Variants in ST18 observed in about 807,000 individuals in gnomAD.
ST18 encodes the protein suppression of tumorigenicity 18 protein.
A neutral mutation model predicts 110.0 loss-of-function variants in ST18; 50 were observed. The observed-to-expected ratio is 0.45, with a 90% CI of 0.36 to 0.58. The LOEUF is 0.58. Ranked by LOEUF, ST18 falls within the 20% of genes least tolerant of loss-of-function variation. The pLI, the probability that ST18 is intolerant of heterozygous loss-of-function variation, is 0.00. For synonymous variants in ST18, 461 were observed against 452.4 expected (o/e 1.02, Z -0.24); for missense variants, 1,306 against 1,280.1 (o/e 1.02, Z -0.31).
At chr8:52,114,575 C>G (rs183182893) in intron 25 of ST18, among the ~76,000 whole-genome samples, 1 of 152,174 alleles carries the variant, frequency 6.6e-6, no homozygotes, top group Non-Finnish European at 1.5e-5. Flanking sequence ...CTCGGCAAAG[C>G]GCTGATCTAA....
At chr8:52,145,109 T>C (rs1340414968) in intron 16 of ST18, among the ~76,000 whole-genome samples, 1 of 152,070 alleles carries the variant, frequency 6.6e-6, no homozygotes, top group Non-Finnish European at 1.5e-5. Context: ...CATTTTATTA[T>C]TTATGGCAAA....
chr8:52,232,990 C>A (rs1174006266), intron 2 of ST18, among the ~76,000 whole-genome samples: 2 of 152,058 alleles, frequency 1.3e-5, no homozygotes, highest in Non-Finnish European at 2.9e-5. Flanking sequence ...ATCAGTGCCC[C>A]TTCTGAATTC....
chr8:52,399,908 T>C (rs1842364460), intron 2 of ST18, among the ~76,000 whole-genome samples: 1 of 152,068 alleles, frequency 6.6e-6, no homozygotes, highest in South Asian at 2.1e-4. Flanking sequence ...AAGTTCCATA[T>C]ATGTCTGTTA....
intron 2 of ST18, among the ~76,000 whole-genome samples, chr8:52,361,753 GT>G (rs2140452329): frequency 6.6e-6 from 1 of 152,264 alleles, no homozygotes; most frequent in African/African-American, 2.4e-5. Flanking sequence ...AAGAACAAAT[GT>G]TTTAATTATT....
At chr8:52,159,384 A>G (rs2060835532) in intron 14 of ST18, among the ~76,000 whole-genome samples, 1 of 152,144 alleles carries the variant, frequency 6.6e-6, no homozygotes. Flanking sequence ...AACTAATGTT[A>G]TGGGGCAGGT....
At chr8:52,329,136 T>C (rs1194641143) in intron 2 of ST18, among the ~76,000 whole-genome samples, 1 of 152,054 alleles carries the variant, frequency 6.6e-6, no homozygotes, top group Non-Finnish European at 1.5e-5. Context: ...GCTGTGTGTG[T>C]CTATTTGTGT....
rs182696503 is a variant in ST18 at position 52,151,214 on chromosome 8, C to A, written c.1807-1237G>T. Among the ~76,000 whole-genome samples the A allele has an allele frequency of 2.6e-5, 4 of 152,194 alleles. No homozygotes were observed. The East Asian group carries it at 7.7e-4, about 29-fold the overall frequency. The stretch of plus-strand genomic sequence containing the variant: ...CAACCCCCCACTCCCAACCCCCAAA[C>A]AGGCGCCACTGGGCTGCATCAGCTG... On this transcript the variant is annotated intron_variant, in intron 15 of 25. Coordinates refer to ENST00000689386, the MANE Select transcript of ST18 (RefSeq NM_001352837.2).
rs554872327 is a variant in ST18, at chr8:52,284,860, T to G, written c.-464-54783A>C. ...GTAGCTTTAATTATGCATTGGCTCATTCTCATCTCAAATATTTTTTGGGAA... is the reference window on the plus strand; with the variant it reads ...GTAGCTTTAATTATGCATTGGCTCAGTCTCATCTCAAATATTTTTTGGGAA... On this transcript the variant is annotated intron_variant, in intron 2 of 25. Coordinates refer to ENST00000689386, the MANE Select transcript of ST18 (RefSeq NM_001352837.2). Among the ~76,000 whole-genome samples the G allele has an allele frequency of 6.6e-5, 10 of 151,624 alleles. No homozygotes were observed. In the South Asian group the frequency reaches 1.0e-3, roughly 16 times the overall value.
intron 8 of ST18, among the ~76,000 whole-genome samples, chr8:52,188,237 A>C (rs1472108110): frequency 6.6e-6 from 1 of 152,208 alleles, no homozygotes; most frequent in Non-Finnish European, 1.5e-5. Flanking sequence ...CGAAACAGGA[A>C]ATATATGCTA....
rs1265661323 is a variant in ST18, at chr8:52,159,047, GGGTGTGGGC to G, written c.1648_1656del (p.Ala550_Thr552del). 1 of 1,614,182 alleles carries G rather than the reference GGGTGTGGGC, an allele frequency of 6.2e-7. No homozygotes were observed. The highest frequency in any genetic ancestry group is 1.3e-5 in the African/African-American group (1 of 75,054). ...TAAGAGCTGGCACGGCCAGGGCTCT[GGGTGTGGGC>G]GCCTGCACTAGGCAGTCGATTAGGA... On this transcript the variant is annotated inframe_deletion, in exon 15 of 26. Coordinates refer to ENST00000689386, the MANE Select transcript of ST18 (RefSeq NM_001352837.2).
At chr8:52,340,589 A>G (rs1490690698) in intron 2 of ST18, among the ~76,000 whole-genome samples, 2 of 152,230 alleles carry the variant, frequency 1.3e-5, no homozygotes, top group East Asian at 3.8e-4. Context: ...TTTGTACCTC[A>G]GTGCAGAAAA....
intron 9 of ST18, among the ~76,000 whole-genome samples, chr8:52,175,250 T>A (rs2066465014): frequency 6.6e-6 from 1 of 152,120 alleles, no homozygotes; most frequent in Non-Finnish European, 1.5e-5. Context: ...CAGCTACTAT[T>A]TTAGAAGGTA....
rs114461118 is a variant in ST18, at chr8:52,388,711, G to A, written c.-465+20617C>T. Among the ~76,000 whole-genome samples, 1,385 of 151,222 alleles carry A rather than the reference G, an allele frequency of 9.2e-3. 24 individuals carry two copies. The highest frequency in any genetic ancestry group is 0.032 in the African/African-American group (1,311 of 41,108). ...GAAGTCTACTCAGATGGGAGGTCAGGGAGGGCCTTTCTCAAAAGGTGTCTC... is the reference window on the plus strand; with the variant it reads ...GAAGTCTACTCAGATGGGAGGTCAGAGAGGGCCTTTCTCAAAAGGTGTCTC... On this transcript the variant is annotated intron_variant, in intron 2 of 25. Coordinates refer to ENST00000689386, the MANE Select transcript of ST18 (RefSeq NM_001352837.2).
intron 6 of ST18, among the ~76,000 whole-genome samples, chr8:52,217,320 AG>A (rs2084702241): frequency 6.6e-6 from 1 of 152,186 alleles, no homozygotes; most frequent in Non-Finnish European, 1.5e-5. Context: ...ACTTCTCGAT[AG>A]GAGTAAGAAC....
chr8:52,153,408 C>A (rs910008012), intron 15 of ST18, among the ~76,000 whole-genome samples: 1 of 152,050 alleles, frequency 6.6e-6, no homozygotes, highest in Non-Finnish European at 1.5e-5. Flanking sequence ...GTTTTTTATT[C>A]TTGCTTCAAG....
At chr8:52,340,856 C>T (rs1038659722) in intron 2 of ST18, among the ~76,000 whole-genome samples, 1 of 152,156 alleles carries the variant, frequency 6.6e-6, no homozygotes, top group African/African-American at 2.4e-5. Flanking sequence ...CGCGAAGTGC[C>T]TGCAGTGAAC....
intron 11 of ST18, among the ~76,000 whole-genome samples, chr8:52,166,444 C>T (rs947657689): frequency 6.6e-6 from 1 of 152,164 alleles, no homozygotes; most frequent in Admixed American, 6.5e-5. Flanking sequence ...CCCCTATGCC[C>T]TCGAGCCTGC....
chr8:52,374,724 C>T (rs1228164936), intron 2 of ST18, among the ~76,000 whole-genome samples: 1 of 152,082 alleles, frequency 6.6e-6, no homozygotes, highest in African/African-American at 2.4e-5. Context: ...TGTTATTCCC[C>T]TCCCTGTGTC....
intron 2 of ST18, among the ~76,000 whole-genome samples, chr8:52,298,540 T>G (rs1311605471): frequency 6.6e-6 from 1 of 152,234 alleles, no homozygotes; most frequent in Non-Finnish European, 1.5e-5. Flanking sequence ...CTCACATTTA[T>G]TTTTCTACTT....
Sources: gnomAD v4.1 joint callset for allele counts (sites outside exome capture counted in the v4.1 genomes callset) on GRCh38, gnomAD v4.1.1 for gene constraint, MANE v1.5 for transcripts, NCBI Gene and HGNC (gene_info 2026-07-23, HGNC 2026-07-21) for gene names.